The following NME7 variants were observed in gnomAD, a reference collection of about 807,000 sequenced individuals.
NME7 encodes nucleoside diphosphate kinase 7.
In NME7, 41 loss-of-function variants were observed where a neutral mutation model predicts 49.1. The ratio of observed to expected loss-of-function variants is 0.83; its 90% CI spans 0.65 to 1.08. NME7 has a LOEUF of 1.08. Among genes scored for constraint, NME7 ranks in the 50% least tolerant of loss-of-function variants. The pLI is 0.00. For synonymous variants in NME7, 139 were observed against 150.6 expected (o/e 0.92, Z 0.56); for missense variants, 423 against 463.4 (o/e 0.91, Z 0.80).
intron 7 of NME7, among the ~76,000 whole-genome samples, chr1:169,251,815 G>A (rs1459529397): frequency 6.7e-6 from 1 of 150,138 alleles, no homozygotes; most frequent in East Asian, 2.0e-4. Context: ...GCAGTGTTTG[G>A]TTTTTTGTTC....
intron 11 of NME7, among the ~76,000 whole-genome samples, chr1:169,166,670 A>T (rs1557969968): frequency 2.0e-5 from 3 of 152,198 alleles, no homozygotes; most frequent in Admixed American, 6.5e-5. Flanking sequence ...CTCGGTAAAA[A>T]GTCATTTAAA....
rs142301364 is a variant in NME7, at chr1:169,170,856, G to A, written c.991-1302C>T. 6.1e-3 allele frequency among the ~76,000 whole-genome samples: 932 copies of A among 152,234 alleles called. 10 individuals are homozygous for A. The highest frequency in any genetic ancestry group is 0.021 in the African/African-American group (878 of 41,546). ...GCAGGAGAATCACCTGAACCTGGGA[G>A]ATGGAGGTTGCAGTGAGCCGAGACT... On this transcript the variant is annotated intron_variant, in intron 10 of 11. Coordinates refer to ENST00000367811, the MANE Select transcript of NME7 (RefSeq NM_013330.5).
intron 1 of NME7, among the ~76,000 whole-genome samples, chr1:169,331,492 G>T (rs909344571): frequency 2.0e-5 from 3 of 152,066 alleles, no homozygotes; most frequent in Non-Finnish European, 2.9e-5. Context: ...ACAAGAGAAA[G>T]ATATAAAGGG....
chr1:169,198,380 A>G (rs1299430971), intron 10 of NME7, among the ~76,000 whole-genome samples: 1 of 152,068 alleles, frequency 6.6e-6, no homozygotes. Flanking sequence ...ATAACTGAAA[A>G]CATATATTCC....
chr1:169,363,974 C>T (rs1653757716), intron 1 of NME7, among the ~76,000 whole-genome samples: 1 of 152,184 alleles, frequency 6.6e-6, no homozygotes, highest in Non-Finnish European at 1.5e-5. Flanking sequence ...TTTCTACCTC[C>T]CTATGCCATT....
intron 11 of NME7, among the ~76,000 whole-genome samples, chr1:169,153,095 T>A (rs1233766574): frequency 1.3e-5 from 2 of 152,142 alleles, no homozygotes; most frequent in African/African-American, 4.8e-5. Context: ...AAACTTGGGT[T>A]CAAATTTCAG....
At chr1:169,211,534 T>C (rs1000965067) in intron 10 of NME7, among the ~76,000 whole-genome samples, 3 of 152,184 alleles carry the variant, frequency 2.0e-5, no homozygotes, top group African/African-American at 7.2e-5. Context: ...TTTTAAAACT[T>C]AACAGAGAAT....
chr1:169,163,360 C>A (rs1298021501), intron 11 of NME7, among the ~76,000 whole-genome samples: 1 of 151,796 alleles, frequency 6.6e-6, no homozygotes, highest in Non-Finnish European at 1.5e-5. Context: ...CTTGTTAGAA[C>A]TGTAGGTGGA....
intron 11 of NME7, among the ~76,000 whole-genome samples, chr1:169,168,675 A>G (rs572939963): frequency 6.6e-6 from 1 of 152,316 alleles, no homozygotes; most frequent in South Asian, 2.1e-4. Flanking sequence ...TGCACAGTGG[A>G]AAAATCTACA....
intron 10 of NME7, among the ~76,000 whole-genome samples, chr1:169,220,038 C>A (rs928772086): frequency 1.3e-5 from 2 of 152,112 alleles, no homozygotes; most frequent in African/African-American, 4.8e-5. Flanking sequence ...TTTCACAAAT[C>A]ATGAGTTTGA....
In NME7 at chr1:169,267,571, C is replaced by A. The variant is rs2101870109; in HGVS notation, c.754+19732G>T. On this transcript the variant is annotated intron_variant, in intron 7 of 11. Transcript: ENST00000367811. Reference sequence around the variant, plus strand: ...AACATGGTACTGGTATAAAAACAGACACACAGACCAATGGAGCAGGATAGA... The same window carrying A: ...AACATGGTACTGGTATAAAAACAGAAACACAGACCAATGGAGCAGGATAGA... Among the ~76,000 whole-genome samples, 2 of 133,168 alleles carry A rather than the reference C, an allele frequency of 1.5e-5. 1 individual carries two copies. Among genetic ancestry groups the A allele is most frequent in the South Asian group, 4.7e-4 (2 of 4,282 alleles). The allele number at this position is 133,168 out of a possible 152,430, so 87.4% of individuals were successfully genotyped here.
At position 169,133,771 on chromosome 1, in the gene NME7, T is replaced by C. The variant is rs548144604; in HGVS notation, c.1099-954A>G. ...AGTTTCTCAAAGTAACCCACATTTA[T>C]GGAAATAGAAGTTTGTCTTGCAGAA... is the stretch of plus-strand genomic sequence containing the variant. On this transcript the variant is annotated intron_variant, in intron 11 of 11. Coordinates refer to ENST00000367811, the MANE Select transcript of NME7 (RefSeq NM_013330.5). Among the ~76,000 whole-genome samples, 7 of 152,324 alleles carry C rather than the reference T, an allele frequency of 4.6e-5. No homozygotes were observed. In the East Asian group the frequency reaches 1.3e-3, roughly 29 times the overall value.
intron 10 of NME7, among the ~76,000 whole-genome samples, chr1:169,217,857 C>T (rs1661015786): frequency 6.6e-6 from 1 of 152,156 alleles, no homozygotes; most frequent in Non-Finnish European, 1.5e-5. Context: ...TAAAGCAGCA[C>T]TATAAGCTGC....
chr1:169,250,370 T>C (rs1339142231), intron 7 of NME7, among the ~76,000 whole-genome samples: 1 of 152,100 alleles, frequency 6.6e-6, no homozygotes, highest in Non-Finnish European at 1.5e-5. Context: ...CTGGTTAATC[T>C]AGCTAATGGT....
chr1:169,350,710 TA>T lies in NME7; in HGVS notation c.3+16997del, dbSNP rs200749187. Among the ~76,000 whole-genome samples, 383 of 152,138 alleles carry T rather than the reference TA, an allele frequency of 2.5e-3. 2 individuals are homozygous for T. The highest frequency in any genetic ancestry group is 8.9e-3 in the African/African-American group (371 of 41,516). ...AAAATAAGGCAAACATAAAAGAGATTAAAAATAGAGAAGTGATGTGAGCACT... is the reference window on the plus strand; with the variant it reads ...AAAATAAGGCAAACATAAAAGAGATTAAAATAGAGAAGTGATGTGAGCACT... On this transcript the variant is annotated intron_variant, in intron 1 of 11. Transcript: ENST00000367811.
intron 3 of NME7, 39 bp downstream of exon 3, chr1:169,323,078 G>A: frequency 4.1e-6 from 6 of 1,464,052 alleles, no homozygotes; most frequent in Non-Finnish European, 5.4e-6. Flanking sequence ...TGAACCCAAA[G>A]TTAGAGCATG....
chr1:169,295,571 T>C (rs1465984656), intron 6 of NME7, among the ~76,000 whole-genome samples: 1 of 152,286 alleles, frequency 6.6e-6, no homozygotes, highest in Admixed American at 6.5e-5. Flanking sequence ...CTATAATTGC[T>C]CTCTTGCATG....
At chr1:169,191,878 A>G (rs1462871525) in intron 10 of NME7, among the ~76,000 whole-genome samples, 1 of 152,160 alleles carries the variant, frequency 6.6e-6, no homozygotes, top group Non-Finnish European at 1.5e-5. Flanking sequence ...TTTGACAGAC[A>G]CTGGTCACTC....
intron 7 of NME7, among the ~76,000 whole-genome samples, chr1:169,279,863 T>C (rs1649930368): frequency 1.3e-5 from 2 of 152,216 alleles, no homozygotes; most frequent in South Asian, 2.1e-4. Flanking sequence ...TCGTCTATCA[T>C]TGATGGGCAT....
Sources: allele counts gnomAD v4.1 joint callset (sites outside exome capture counted in the v4.1 genomes callset), GRCh38; gene constraint gnomAD v4.1.1; transcripts MANE v1.5; gene names NCBI Gene and HGNC (gene_info 2026-07-23, HGNC 2026-07-21).